The following FBXL13 variants were observed in gnomAD, a reference collection of about 807,000 sequenced individuals.
FBXL13 encodes F-box and leucine rich repeat protein 13.
In FBXL13, 67 loss-of-function variants were observed where a neutral mutation model predicts 83.6. The observed-to-expected ratio is 0.80, with a 90% CI of 0.66 to 0.98. The LOEUF (loss-of-function observed/expected upper bound fraction) is 0.98. Ranked by LOEUF, FBXL13 falls within the 50% of genes least tolerant of loss-of-function variation. The pLI, the probability that FBXL13 is intolerant of heterozygous loss-of-function variation, is 0.00. For synonymous variants in FBXL13, 272 were observed against 299.5 expected (o/e 0.91, Z 0.95); for missense variants, 822 against 866.5 (o/e 0.95, Z 0.64).
intron 18 of FBXL13, chr7:102,822,566 T>C: frequency 2.4e-6 from 1 of 416,918 alleles, no homozygotes; most frequent in Non-Finnish European, 4.7e-6. Flanking sequence ...CCCCACTTTC[T>C]ATTACTGTCA....
chr7:102,998,660 T>C (rs1225727589), intron 6 of FBXL13, among the ~76,000 whole-genome samples: 1 of 152,028 alleles, frequency 6.6e-6, no homozygotes, highest in African/African-American at 2.4e-5. Flanking sequence ...GGTGGAGTCT[T>C]TACGTTTTTC....
chr7:103,069,841 G>T (rs1331564048), intron 1 of FBXL13, among the ~76,000 whole-genome samples: 1 of 152,240 alleles, frequency 6.6e-6, no homozygotes, highest in Non-Finnish European at 1.5e-5. Flanking sequence ...CACTTTGGGA[G>T]GCCGAGGCAG....
intron 6 of FBXL13, among the ~76,000 whole-genome samples, chr7:103,008,182 T>C (rs887020719): frequency 6.6e-6 from 1 of 152,144 alleles, no homozygotes; most frequent in South Asian, 2.1e-4. Flanking sequence ...CAAGCCCAAA[T>C]TGAGAGACAT....
At chr7:102,931,180 A>T (rs1304545209) in intron 9 of FBXL13, among the ~76,000 whole-genome samples, 3 of 152,238 alleles carry the variant, frequency 2.0e-5, no homozygotes, top group African/African-American at 7.2e-5. Context: ...GCAAATGCAC[A>T]ACTGCAAGGA....
chr7:103,045,824 C>T (rs1796219456), intron 2 of FBXL13, among the ~76,000 whole-genome samples: 1 of 152,202 alleles, frequency 6.6e-6, no homozygotes, highest in East Asian at 1.9e-4. Flanking sequence ...GTGACCAAAA[C>T]TTAGGGCCTT....
At chr7:102,880,500 C>G (rs1809886564) in intron 14 of FBXL13, among the ~76,000 whole-genome samples, 1 of 152,060 alleles carries the variant, frequency 6.6e-6, no homozygotes, top group African/African-American at 2.4e-5. Flanking sequence ...GTTTTTTTCC[C>G]AGATAAATCT....
intron 6 of FBXL13, among the ~76,000 whole-genome samples, chr7:102,982,654 T>A (rs759377611): frequency 1.1e-4 from 17 of 152,286 alleles, no homozygotes; most frequent in Middle Eastern, 3.4e-3. Context: ...TAAATGGAAG[T>A]TCCTCTGCAC....
chr7:103,024,857 ATTT>A (rs1209398568), intron 6 of FBXL13, among the ~76,000 whole-genome samples: 10 of 62,846 alleles, frequency 1.6e-4, no homozygotes, highest in East Asian at 1.2e-3. Flanking sequence ...ATATATATAT[ATTT>A]TTTTTTTTTT....
chr7:102,985,208 C>A (rs1828795687), intron 6 of FBXL13, among the ~76,000 whole-genome samples: 1 of 152,206 alleles, frequency 6.6e-6, no homozygotes, highest in African/African-American at 2.4e-5. Context: ...GTTTAGAATT[C>A]TTTCATGCTC....
intron 6 of FBXL13, among the ~76,000 whole-genome samples, chr7:103,001,178 C>T (rs1461396866): frequency 2.0e-5 from 3 of 151,548 alleles, no homozygotes; most frequent in African/African-American, 7.3e-5. Context: ...CCAGGCTGGT[C>T]TCAAACTCCC....
At chr7:102,884,947 G>A (rs1810598207) in intron 11 of FBXL13, among the ~76,000 whole-genome samples, 1 of 152,066 alleles carries the variant, frequency 6.6e-6, no homozygotes, top group Admixed American at 6.6e-5. Context: ...TGAGGTTCAT[G>A]CACATTGTAG....
chr7:102,963,562 A>C, exon 8 of FBXL13: 1 of 1,613,180 alleles, frequency 6.2e-7, no homozygotes, highest in East Asian at 2.2e-5. Flanking sequence ...GGGTCGGAGA[A>C]GACAACCACG....
chr7:102,912,197 A>G (rs1318631061), intron 11 of FBXL13, among the ~76,000 whole-genome samples: 1 of 152,224 alleles, frequency 6.6e-6, no homozygotes, highest in African/African-American at 2.4e-5. Context: ...TAAGCATAGT[A>G]AATACATACC....
At chr7:103,036,837 G>A (rs945500044) in intron 2 of FBXL13, among the ~76,000 whole-genome samples, 2 of 152,124 alleles carry the variant, frequency 1.3e-5, no homozygotes, top group Admixed American at 1.3e-4. Flanking sequence ...TACCTAAAGG[G>A]CTTTTGTGCC....
At chr7:102,843,862 G>A (rs986166370) in intron 17 of FBXL13, among the ~76,000 whole-genome samples, 5 of 152,200 alleles carry the variant, frequency 3.3e-5, no homozygotes, top group African/African-American at 1.2e-4. Flanking sequence ...GACGGGGCCT[G>A]AAGAGGACAA....
At chr7:102,834,086 A>AAGGAAGGG (rs1562925844) in intron 17 of FBXL13, among the ~76,000 whole-genome samples, 4 of 93,692 alleles carry the variant, frequency 4.3e-5, no homozygotes, top group African/African-American at 1.8e-4. Context: ...GGAAGGAAAG[A>AAGGAAGGG]AAAGAAAGAA....
intron 2 of FBXL13, among the ~76,000 whole-genome samples, chr7:103,030,357 A>G (rs1000566945): frequency 6.6e-6 from 1 of 152,328 alleles, no homozygotes; most frequent in Admixed American, 6.5e-5. Context: ...TTAAATGCAA[A>G]TTATGCCTAC....
At chr7:102,942,251 C>A in intron 8 of FBXL13, 2 of 1,542,062 alleles carry the variant, frequency 1.3e-6, no homozygotes, top group Non-Finnish European at 1.8e-6. Context: ...GCAAAATGAC[C>A]TAAAGAAGTT....
chr7:102,969,003 A>G (rs1826290629), intron 6 of FBXL13, among the ~76,000 whole-genome samples: 1 of 152,234 alleles, frequency 6.6e-6, no homozygotes, highest in African/African-American at 2.4e-5. Flanking sequence ...TAGCCATTGT[A>G]ATATCATAGC....
Sources: allele counts gnomAD v4.1 joint callset (sites outside exome capture counted in the v4.1 genomes callset), GRCh38; gene constraint gnomAD v4.1.1; transcripts MANE v1.5; gene names NCBI Gene and HGNC (gene_info 2026-07-23, HGNC 2026-07-21).